The following ALG9 variants were observed in gnomAD, a reference collection of about 807,000 sequenced individuals.
ALG9 encodes ALG9 alpha-1,2-mannosyltransferase.
A neutral mutation model predicts 81.8 loss-of-function variants in ALG9; 55 were observed. The observed-to-expected ratio is 0.67, with a 90% CI of 0.54 to 0.84. The LOEUF is 0.84. Among genes scored for constraint, ALG9 ranks in the 40% least tolerant of loss-of-function variants. ALG9 has a pLI of 0.00. For missense variants in ALG9, 629 were observed against 745.0 expected (o/e 0.84, Z 1.81); for synonymous variants, 278 against 274.3 (o/e 1.01, Z -0.13).
intron 4 of ALG9, 100 bp downstream of exon 4, chr11:111,865,081 G>C (rs370535673): frequency 1.9e-6 from 2 of 1,043,836 alleles, no homozygotes; most frequent in African/African-American, 3.3e-5. Flanking sequence ...CCGGTCAAGA[G>C]TTTTCTATTT....
intron 2 of ALG9, 70 bp downstream of exon 2, chr11:111,870,162 C>G: frequency 1.4e-6 from 2 of 1,478,608 alleles, no homozygotes; most frequent in African/African-American, 2.9e-5. Context: ...TATTATTTGT[C>G]TCTCGATTGG....
At chr11:111,862,305 C>T (rs1390986399) in intron 4 of ALG9, among the ~76,000 whole-genome samples, 1 of 148,878 alleles carries the variant, frequency 6.7e-6, no homozygotes, top group Non-Finnish European at 1.5e-5. Context: ...GTGATCTTGG[C>T]TCACTGCAAT....
At chr11:111,810,879 A>T (rs1168069469) in intron 13 of ALG9, among the ~76,000 whole-genome samples, 1 of 152,246 alleles carries the variant, frequency 6.6e-6, no homozygotes, top group Non-Finnish European at 1.5e-5. Flanking sequence ...ATGTTGTAGG[A>T]CTAAAAGCTT....
At chr11:111,863,213 C>T (rs1418880332) in intron 4 of ALG9, among the ~76,000 whole-genome samples, 1 of 152,048 alleles carries the variant, frequency 6.6e-6, no homozygotes, top group Non-Finnish European at 1.5e-5. Flanking sequence ...AAAAAATTAG[C>T]CAGGCGTGGT....
the ALG9 span, among the ~76,000 whole-genome samples, chr11:111,775,017 G>C: frequency 2.2e-4 from 33 of 152,140 alleles, no homozygotes; most frequent in African/African-American, 8.0e-4. Context: ...TGAACTCCTG[G>C]GCTCAGGCAG....
downstream of ALG9, among the ~76,000 whole-genome samples, chr11:111,777,275 T>G (rs1359489972): frequency 6.6e-6 from 1 of 152,218 alleles, no homozygotes. Context: ...AATTCACCCC[T>G]TGGTTAGTTA....
At chr11:111,869,931 C>T (rs1963732037) in intron 2 of ALG9, among the ~76,000 whole-genome samples, 1 of 152,086 alleles carries the variant, frequency 6.6e-6, no homozygotes, top group African/African-American at 2.4e-5. Flanking sequence ...CCTGCCTCAG[C>T]CTCCCGAGTA....
intron 10 of ALG9, 133 bp downstream of exon 10, chr11:111,840,522 G>C: frequency 9.7e-7 from 1 of 1,030,926 alleles, no homozygotes; most frequent in East Asian, 2.5e-5. Flanking sequence ...TTAATAATAT[G>C]ATCTATATCA....
chr11:111,795,784 A>G (rs1948185630), intron 14 of ALG9, among the ~76,000 whole-genome samples: 1 of 152,234 alleles, frequency 6.6e-6, no homozygotes, highest in Non-Finnish European at 1.5e-5. Flanking sequence ...CCTTTTGATC[A>G]GTCATCTTTA....
chr11:111,822,390 C>G (rs1462453005), intron 13 of ALG9, among the ~76,000 whole-genome samples: 1 of 81,270 alleles, frequency 1.2e-5, no homozygotes, highest in South Asian at 4.5e-4. Context: ...GTCTGGGTGA[C>G]AAAGCACAAC....
Position 111,849,270 on chromosome 11 carries a change from C to T in ALG9, c.895+4110G>A, listed in dbSNP as rs1240494416. ...TTCACCATGTCGGCCAGGCTGGTCT[C>T]GAACTCCTGGCCTCAAGTGATCCAC... On this transcript the variant is annotated intron_variant, in intron 8 of 14. Coordinates refer to ENST00000616540, the MANE Select transcript of ALG9 (RefSeq NM_024740.2). 2.0e-5 allele frequency among the ~76,000 whole-genome samples: 3 copies of T among 152,136 alleles called. No homozygotes were observed. The South Asian group carries it at 6.2e-4, about 32-fold the overall frequency.
At chr11:111,857,475 T>C in intron 6 of ALG9, 127 bp downstream of exon 6, 4 of 1,238,762 alleles carry the variant, frequency 3.2e-6, no homozygotes, top group South Asian at 1.3e-5. Flanking sequence ...TATTCTTCCA[T>C]TTCCCAGAAT....
At chr11:111,790,048 C>A (rs1286143807) in intron 14 of ALG9, among the ~76,000 whole-genome samples, 2 of 151,950 alleles carry the variant, frequency 1.3e-5, no homozygotes, top group Non-Finnish European at 2.9e-5. Context: ...AAAAAACTAT[C>A]TTGGTCTGCA....
At chr11:111,869,222 T>G (rs1007094343) in intron 2 of ALG9, among the ~76,000 whole-genome samples, 11 of 152,248 alleles carry the variant, frequency 7.2e-5, no homozygotes, top group Admixed American at 6.5e-4. Flanking sequence ...TACCTTCTAC[T>G]TATTTTTTCT....
intron 14 of ALG9, among the ~76,000 whole-genome samples, chr11:111,802,645 G>A (rs777593581): frequency 2.6e-5 from 4 of 152,096 alleles, no homozygotes; most frequent in Non-Finnish European, 5.9e-5. Context: ...TGGATGAACT[G>A]GATATGTAAA....
intron 14 of ALG9, among the ~76,000 whole-genome samples, chr11:111,787,370 T>C (rs1946636776): frequency 6.6e-6 from 1 of 151,946 alleles, no homozygotes. Flanking sequence ...GAGGTGGAAG[T>C]TGCAGTGAAC....
At chr11:111,804,541 T>C (rs1949643504) in intron 14 of ALG9, among the ~76,000 whole-genome samples, 3 of 152,034 alleles carry the variant, frequency 2.0e-5, no homozygotes, top group East Asian at 1.9e-4. Flanking sequence ...CAGTAAGCTA[T>C]GACTACACCA....
In ALG9 at chr11:111,853,369, C is replaced by T. The variant is rs782583504; in HGVS notation, c.895+11G>A. 3.7e-5 allele frequency: 59 copies of T among 1,608,898 alleles called. No homozygotes were observed. The highest frequency in any genetic ancestry group is 5.0e-5 in the Non-Finnish European group (59 of 1,175,628). On this transcript the variant is annotated intron_variant, in intron 8 of 14. Transcript: ENST00000616540. The stretch of plus-strand genomic sequence containing the variant: ...TCTCCTAACACTTGCCCAAATTTCA[C>T]AAAGCCTTACCATAAAGATCAGGTC...
chr11:111,869,004 C>T (rs916336442), intron 2 of ALG9, among the ~76,000 whole-genome samples: 2 of 152,066 alleles, frequency 1.3e-5, no homozygotes, highest in Admixed American at 1.3e-4. Flanking sequence ...TGCCTGCAGT[C>T]CCAGCTACTT....
Sources: allele counts gnomAD v4.1 joint callset (sites outside exome capture counted in the v4.1 genomes callset), GRCh38; gene constraint gnomAD v4.1.1; transcripts MANE v1.5; gene names NCBI Gene and HGNC (gene_info 2026-07-23, HGNC 2026-07-21).